The following EXT2 variants were observed in gnomAD, a reference collection of about 807,000 sequenced individuals.
EXT2 encodes the protein exostosin-2.
Under a neutral mutation model 81.6 loss-of-function variants are expected in EXT2, and 53 were observed. That is an observed-to-expected ratio of 0.65 (90% CI 0.52 to 0.82). The LOEUF (loss-of-function observed/expected upper bound fraction) is 0.82, where lower values mean the gene tolerates loss of function less well. Among genes scored for constraint, EXT2 ranks in the 40% least tolerant of loss-of-function variants. The pLI is 0.00. For synonymous variants in EXT2, 320 were observed against 340.0 expected, an observed-to-expected ratio of 0.94 and a Z score of 0.65; for missense variants, 774 against 910.2, an observed-to-expected ratio of 0.85 and a Z score of 1.93.
chr11:44,192,541 GT>G (rs1215465550), intron 8 of EXT2, among the ~76,000 whole-genome samples: 5 of 152,112 alleles, frequency 3.3e-5, no homozygotes, highest in African/African-American at 1.2e-4. Flanking sequence ...CAATACCAGT[GT>G]TTTAGTAGGC....
At chr11:44,242,450 C>T (rs1956048448) in intron 13 of EXT2, among the ~76,000 whole-genome samples, 1 of 152,132 alleles carries the variant, frequency 6.6e-6, no homozygotes, top group Non-Finnish European at 1.5e-5. Flanking sequence ...GCAGGAGGGA[C>T]ACTCAGTCAC....
intron 7 of EXT2, among the ~76,000 whole-genome samples, chr11:44,163,981 A>G (rs191471202): frequency 5.1e-4 from 78 of 152,264 alleles, no homozygotes; most frequent in African/African-American, 7.0e-4. Flanking sequence ...GTTACACTAT[A>G]TTAGAGTGTT....
rs187192566 is a variant in EXT2 at position 44,186,613 on chromosome 11, G to A, written c.1306-11216G>A. ...GTGCTATATGAAGAAAAAAATTGAC[G>A]TAGCTAAAACTCAGATAATAACAGG... On this transcript the variant is annotated intron_variant, in intron 8 of 13. Coordinates refer to ENST00000533608, the MANE Select transcript of EXT2 (RefSeq NM_207122.2). 1.3e-5 allele frequency among the ~76,000 whole-genome samples: 2 copies of A among 152,280 alleles called. 1 individual carries two copies. The highest frequency in any genetic ancestry group is 3.9e-4 in the East Asian group (2 of 5,176).
intron 8 of EXT2, among the ~76,000 whole-genome samples, chr11:44,184,748 C>G (rs1321700850): frequency 6.6e-6 from 1 of 152,058 alleles, no homozygotes; most frequent in African/African-American, 2.4e-5. Context: ...AAGACTCCGT[C>G]TCAAAATAAT....
chr11:44,214,575 A>G (rs1238633305), intron 10 of EXT2, among the ~76,000 whole-genome samples: 3 of 152,010 alleles, frequency 2.0e-5, no homozygotes, highest in East Asian at 3.9e-4. Context: ...TGTTCATTTT[A>G]TCTAAATTAC....
At chr11:44,097,764 ATAAATAAAT>A (rs764322148) in intron 1 of EXT2, among the ~76,000 whole-genome samples, 1,562 of 90,932 alleles carry the variant, frequency 0.017, 52 homozygotes, top group Middle Eastern at 0.04. Flanking sequence ...ATCTCAAAAA[ATAAATAAAT>A]AAATAAATAA....
intron 6 of EXT2, among the ~76,000 whole-genome samples, 195 bp downstream of exon 6, chr11:44,127,150 T>C (rs1420069486): frequency 6.6e-6 from 1 of 152,244 alleles, no homozygotes; most frequent in African/African-American, 2.4e-5. Context: ...GCTGGCTGTT[T>C]TTGTAAGTCA....
At chr11:44,182,604 C>A (rs1188948456) in intron 8 of EXT2, among the ~76,000 whole-genome samples, 2 of 152,168 alleles carry the variant, frequency 1.3e-5, no homozygotes, top group Non-Finnish European at 1.5e-5. Context: ...CACCCAGATT[C>A]TTCAGCTGTT....
chr11:44,236,402 G>T (rs377729775), intron 13 of EXT2, 27 bp downstream of exon 13: 1 of 1,606,272 alleles, frequency 6.2e-7, no homozygotes, highest in Non-Finnish European at 8.5e-7. Context: ...CCAAAAGTGC[G>T]CCTTAGCCTC....
chr11:44,203,902 A>C (rs1408307150), intron 9 of EXT2, among the ~76,000 whole-genome samples: 2 of 152,260 alleles, frequency 1.3e-5, no homozygotes, highest in Non-Finnish European at 2.9e-5. Context: ...GGTCCAGTTC[A>C]GCTATCACTA....
At chr11:44,221,683 T>TGGGCCCA (rs1955783254) in intron 10 of EXT2, among the ~76,000 whole-genome samples, 1 of 152,196 alleles carries the variant, frequency 6.6e-6, no homozygotes, top group South Asian at 2.1e-4. Flanking sequence ...TGGGCAGGAT[T>TGGGCCCA]GGGCCCAGGG....
At chr11:44,137,134 G>A (rs1383522010) in intron 7 of EXT2, among the ~76,000 whole-genome samples, 1 of 152,104 alleles carries the variant, frequency 6.6e-6, no homozygotes, top group Non-Finnish European at 1.5e-5. Context: ...ATTTTTATGT[G>A]TTTAACTATT....
chr11:44,129,978 G>A, intron 6 of EXT2, 67 bp from the exon 7 acceptor site: 1 of 1,213,516 alleles, frequency 8.2e-7, no homozygotes, highest in South Asian at 1.2e-5. Flanking sequence ...AATGAAACAA[G>A]ACTGTGTGTA....
At chr11:44,121,573 C>T (rs574041673) in intron 4 of EXT2, among the ~76,000 whole-genome samples, 263 of 152,024 alleles carry the variant, frequency 1.7e-3, no homozygotes, top group Non-Finnish European at 3.3e-3. Flanking sequence ...TTCTGTTGCC[C>T]CCCTGCCCCC....
At chr11:44,169,273 GT>G (rs1183793400) in intron 7 of EXT2, among the ~76,000 whole-genome samples, 12 of 151,710 alleles carry the variant, frequency 7.9e-5, no homozygotes, top group African/African-American at 2.9e-4. Context: ...AACATGTCTT[GT>G]GGGATTTAAA....
chr11:44,147,562 TTTG>T (rs201220495), intron 7 of EXT2, among the ~76,000 whole-genome samples: 14,885 of 151,998 alleles, frequency 0.098, 723 homozygotes, highest in Middle Eastern at 0.17. Flanking sequence ...TACCTGGTTT[TTTG>T]TTGTTGTTGT....
intron 7 of EXT2, among the ~76,000 whole-genome samples, chr11:44,169,354 G>T (rs560478116): frequency 1.3e-5 from 2 of 151,902 alleles, no homozygotes; most frequent in Admixed American, 1.3e-4. Context: ...TTATAAAATC[G>T]TTAGTTTGAG....
chr11:44,173,244 A>G (rs1375715778), intron 8 of EXT2, among the ~76,000 whole-genome samples: 2 of 152,164 alleles, frequency 1.3e-5, no homozygotes, highest in Admixed American at 1.3e-4. Flanking sequence ...CGTATGGTAA[A>G]AACAACAGCA....
chr11:44,157,188 G>A (rs1954866480), intron 7 of EXT2, among the ~76,000 whole-genome samples: 1 of 152,222 alleles, frequency 6.6e-6, no homozygotes, highest in South Asian at 2.1e-4. Flanking sequence ...TCCAAAGTGA[G>A]CACAGCACTG....
Sources: allele counts gnomAD v4.1 joint callset (sites outside exome capture counted in the v4.1 genomes callset), GRCh38; gene constraint gnomAD v4.1.1; transcripts MANE v1.5; gene names NCBI Gene and HGNC (gene_info 2026-07-23, HGNC 2026-07-21).